Variants in INA observed in about 807,000 individuals in gnomAD.
INA encodes alpha-internexin.
INA carries 35 observed loss-of-function variants against 40.1 expected under a neutral mutation model. That is an observed-to-expected ratio of 0.87 (90% confidence interval 0.67 to 1.16). INA has a LOEUF of 1.16. Among genes scored for constraint, INA ranks in the 50% most tolerant of loss-of-function variants. The pLI is 0.00. For synonymous variants in INA, 290 were observed against 316.9 expected (o/e 0.92, Z 0.90); for missense variants, 594 against 686.7 (o/e 0.87, Z 1.51).
chr10:103,288,110 G>A (rs777422140), intron 2 of INA, among the ~76,000 whole-genome samples: 1 of 152,214 alleles, frequency 6.6e-6, no homozygotes, highest in Non-Finnish European at 1.5e-5. Context: ...ATATATTTGT[G>A]AACAGGATAG....
intron 2 of INA, among the ~76,000 whole-genome samples, chr10:103,287,896 T>C (rs1339920107): frequency 1.3e-5 from 2 of 152,192 alleles, no homozygotes; most frequent in Non-Finnish European, 2.9e-5. Context: ...CTATTCCCTT[T>C]GTACCCGTAT....
chr10:103,283,748 C>CT (rs34755376), intron 1 of INA, among the ~76,000 whole-genome samples: 44,712 of 114,846 alleles, frequency 0.39, 9,589 homozygotes, highest in South Asian at 0.55. Context: ...ATCACTGTTT[C>CT]TTTTTTTTTT....
chr10:103,277,574 G>C lies in INA; in HGVS notation c.363G>C (p.Ala121=). The C allele has an allele frequency of 1.3e-6, 2 of 1,569,212 alleles. No homozygotes were observed. The highest frequency in any genetic ancestry group is 2.4e-5 in the East Asian group (1 of 41,144). The change falls in exon 1 of 3, where the codon GCG becomes GCC. Residue 121 remains alanine, a synonymous_variant. Transcript: ENST00000369849. This position sits in a 1 kb window ranked among gnomAD's most constrained non-coding sequence, Gnocchi z 5.6. ...ATCAGCTGGAGACGCAGAACCGCGC[G>C]TTGGAGGCCGAGCTGGCCGCGCTGC... The part of the protein sequence containing the change: ...KVHQLETQNR[A]LEAELAALRQ...
chr10:103,288,603 A>T lies in INA; in HGVS notation c.1434A>T (p.Val478=), dbSNP rs150252509. 1.2e-6 allele frequency: 2 copies of T among 1,607,784 alleles called. No homozygotes were observed. The highest frequency in any genetic ancestry group is 3.4e-5 in the Admixed American group (2 of 58,212). The part of the protein sequence containing the change: ...ESFEEILEET[V]ISTKKTEKSN... ...TTGAAGAAATATTAGAGGAGACAGT[A>T]ATATCTACTAAGAAAACCGAGAAAT... Residue 478 remains valine (V), a synonymous_variant, in exon 3 of 3, where the codon GTA becomes GTT. Transcript: ENST00000369849.
Position 103,288,550 on chromosome 10 carries a change from A to C in INA, c.1381A>C (p.Lys461Gln). 3.1e-6 allele frequency: 5 copies of C among 1,614,092 alleles called. No homozygotes were observed. Among genetic ancestry groups the C allele is most frequent in the Non-Finnish European group, 4.2e-6 (5 of 1,179,978 alleles). ...GGAGGAGGCATCTAAGGTAGCCTCT[A>C]AGAAAACCTCCCAGATAGGGGAAAG... ...EEEEASKVAS[K>Q]KTSQIGESFE... Residue 461 changes from lysine (K) to glutamine (Q), a missense_variant, in exon 3 of 3, where the codon AAG becomes CAG. By Grantham distance (53) the Lys-to-Gln change is moderately conservative. This residue lies in a region of INA where 379 missense variants were observed against 496.1 expected (regional missense o/e 0.76). Coordinates refer to ENST00000369849, the MANE Select transcript of INA (RefSeq NM_032727.4).
intron 1 of INA, among the ~76,000 whole-genome samples, chr10:103,284,303 G>T (rs2093080022): frequency 1.3e-5 from 2 of 152,136 alleles, no homozygotes; most frequent in Admixed American, 1.3e-4. Context: ...TCGCAACTGG[G>T]AGAGGGAAGT....
Position 103,278,100 on chromosome 10 carries a change from C to T in INA, c.889C>T (p.Gln297Ter). ...GTCCAAGTTTGCCAACCTGAACGAG[C>T]AGGCGGCGCGCAGCACCGAGGCCAT... The part of the protein sequence containing the change: ...YKSKFANLNE[Q>*]AARSTEAIRA... The change falls in exon 1 of 3, where the codon CAG (glutamine) becomes TAG (stop). Residue 297 changes from glutamine (Q) to a stop codon, truncating the protein, a stop_gained. Transcript: ENST00000369849. LOFTEE classifies it high-confidence loss of function. The surrounding 1 kb of genome is among the most constrained non-coding windows in gnomAD (Gnocchi z 4.9). 6.2e-7 allele frequency: 1 copy of T among 1,613,404 alleles called. No homozygotes were observed. The highest frequency in any genetic ancestry group is 8.5e-7 in the Non-Finnish European group (1 of 1,179,910).
intron 1 of INA, chr10:103,280,961 A>G (rs2093071330): frequency 1.0e-6 from 1 of 983,338 alleles, no homozygotes; most frequent in Non-Finnish European, 1.2e-6. Context: ...TCAGTCTTGG[A>G]AAGTTGAAGC....
chr10:103,281,903 G>C (rs955194837), intron 1 of INA, among the ~76,000 whole-genome samples: 1 of 152,236 alleles, frequency 6.6e-6, no homozygotes, highest in African/African-American at 2.4e-5. Context: ...ACCCCAGCTG[G>C]AGCTGGGCGT....
intron 1 of INA, among the ~76,000 whole-genome samples, chr10:103,281,343 A>G (rs767280455): frequency 3.9e-5 from 6 of 152,178 alleles, no homozygotes; most frequent in Admixed American, 6.5e-5. Context: ...TCTAAGGTCA[A>G]TTGGGGGCTT....
chr10:103,277,608 C>G lies in INA; in HGVS notation c.397C>G (p.His133Asp). 6.6e-7 allele frequency: 1 copy of G among 1,526,252 alleles called. No individual in the cohort carries two copies. The highest frequency in any genetic ancestry group is 8.7e-7 in the Non-Finnish European group (1 of 1,143,846). 94.5% of individuals were successfully genotyped at this position (1,526,252 alleles called of 1,614,324 possible). ...CGAGCTGGCCGCGCTGCGACAGCGCCACGCTGAGCCGTCGCGCGTCGGCGA... is the reference window on the plus strand; with the variant it reads ...CGAGCTGGCCGCGCTGCGACAGCGCGACGCTGAGCCGTCGCGCGTCGGCGA... Reference protein sequence around the residue: ...EAELAALRQRHAEPSRVGELF... With the variant: ...EAELAALRQRDAEPSRVGELF... The change falls in exon 1 of 3, where the codon CAC becomes GAC. Residue 133 changes from histidine (H) to aspartate (D), a missense_variant. Coordinates refer to ENST00000369849, the MANE Select transcript of INA (RefSeq NM_032727.4). The surrounding 1 kb of genome is among the most constrained non-coding windows in gnomAD (Gnocchi z 5.6).
At chr10:103,285,951 G>A (rs2093085029) in intron 1 of INA, among the ~76,000 whole-genome samples, 1 of 152,048 alleles carries the variant, frequency 6.6e-6, no homozygotes, top group Non-Finnish European at 1.5e-5. Context: ...AGTCGGCCAT[G>A]TAAAGACCGG....
Position 103,288,454 on chromosome 10 carries a change from C to A in INA, c.1285C>A (p.Pro429Thr), listed in dbSNP as rs544857732. The A allele has an allele frequency of 6.2e-7, 1 of 1,614,040 alleles. No homozygotes were observed. Among genetic ancestry groups the A allele is most frequent in the Admixed American group, 1.7e-5 (1 of 60,002 alleles). Residue 429 changes from proline (P) to threonine (T), a missense_variant, in exon 3 of 3, where the codon CCT becomes ACT. Coordinates refer to ENST00000369849, the MANE Select transcript of INA (RefSeq NM_032727.4). ...TCCCAATCCAAGTTACCTGCTCCCA[C>A]CTAGAATCCTCAGTGCTACAACCTC... ...PLPNPSYLLP[P>T]RILSATTSKV...
intron 1 of INA, among the ~76,000 whole-genome samples, chr10:103,284,323 T>A (rs1209134007): frequency 4.6e-5 from 7 of 152,336 alleles, no homozygotes. Flanking sequence ...TATGTGCTTC[T>A]GGCATCTAGC....
At chr10:103,279,369 C>T (rs989775505) in intron 1 of INA, among the ~76,000 whole-genome samples, 1 of 152,270 alleles carries the variant, frequency 6.6e-6, no homozygotes, top group Non-Finnish European at 1.5e-5. Context: ...TCCCTGTCCT[C>T]TAAGCTCCTG....
chr10:103,289,910 C>G lies in INA; in HGVS notation c.*1241C>G, dbSNP rs755648403. 8 of 152,682 alleles carry G rather than the reference C, an allele frequency of 5.2e-5. No homozygotes were observed. The highest frequency in any genetic ancestry group is 7.3e-5 in the Non-Finnish European group (5 of 68,062). The allele number at this position is 152,682 out of a possible 1,614,324, so 9.5% of individuals were successfully genotyped here. A position where few individuals can be genotyped will look rare whatever the true frequency, so the allele number is the denominator to read the frequency against. On this transcript the variant is annotated 3_prime_UTR_variant, in exon 3 of 3. Transcript: ENST00000369849. The stretch of plus-strand genomic sequence containing the variant: ...TTCTAAAAGACTTCCCTAACACTTA[C>G]CCCATGGCTGCACAGTTGGTGGGGT...
Position 103,288,890 on chromosome 10 carries a change from A to T in INA, c.*221A>T. ...AGCAATCACAGATGAGTTATCTAAG[A>T]ATACAGCTTTCTGACCTTCAGCTCA... On this transcript the variant is annotated 3_prime_UTR_variant, in exon 3 of 3. Coordinates refer to ENST00000369849, the MANE Select transcript of INA (RefSeq NM_032727.4). 1 of 372,928 alleles carries T rather than the reference A, an allele frequency of 2.7e-6. No homozygotes were observed. The highest frequency in any genetic ancestry group is 4.8e-6 in the Non-Finnish European group (1 of 207,982). The allele number at this position is 372,928 out of a possible 1,614,324, so 23.1% of individuals were successfully genotyped here. A position where few individuals can be genotyped will look rare whatever the true frequency, so the allele number is the denominator to read the frequency against.
Position 103,278,375 on chromosome 10 carries a change from C to A in INA, c.1065+99C>A. Reference sequence around the variant, plus strand: ...TGGGCCCCAGGACTTAAGGGGAGGGCAAAAGAGAGGAGAGAAGAGCCGCGG... The same window carrying A: ...TGGGCCCCAGGACTTAAGGGGAGGGAAAAAGAGAGGAGAGAAGAGCCGCGG... On this transcript the variant is annotated intron_variant, in intron 1 of 2. Coordinates refer to ENST00000369849, the MANE Select transcript of INA (RefSeq NM_032727.4). This position sits in a 1 kb window ranked among gnomAD's most constrained non-coding sequence, Gnocchi z 4.9. 2 of 997,992 alleles carry A rather than the reference C, an allele frequency of 2.0e-6. No homozygotes were observed. The highest frequency in any genetic ancestry group is 2.9e-6 in the Non-Finnish European group (2 of 697,794). The allele number at this position is 997,992 out of a possible 1,614,324, so 61.8% of individuals were successfully genotyped here. A position where few individuals can be genotyped will look rare whatever the true frequency, so the allele number is the denominator to read the frequency against.
chr10:103,287,022 T>C lies in INA; in HGVS notation c.1066-13T>C. The C allele has an allele frequency of 6.2e-7, 1 of 1,612,828 alleles. No individual in the cohort carries two copies. Among genetic ancestry groups the C allele is most frequent in the Non-Finnish European group, 8.5e-7 (1 of 1,179,458 alleles). The stretch of plus-strand genomic sequence containing the variant: ...TGGTTTGGCCTAACTATTTTGGATA[T>C]GTTACTTTTCAGGATAGCATTGGGC... On this transcript the variant is annotated splice_polypyrimidine_tract_variant and intron_variant, in intron 1 of 2. Transcript: ENST00000369849.
Sources: allele counts gnomAD v4.1 joint callset (sites outside exome capture counted in the v4.1 genomes callset), GRCh38; gene constraint gnomAD v4.1.1; regional missense constraint gnomAD v4.1.1; non-coding constraint Gnocchi (gnomAD v3.1); transcripts MANE v1.5; gene names NCBI Gene and HGNC (gene_info 2026-07-23, HGNC 2026-07-21).